The following RNF216 variants were observed in gnomAD, a reference collection of about 807,000 sequenced individuals.
RNF216 encodes E3 ubiquitin-protein ligase RNF216.
In RNF216, 72 loss-of-function variants were observed where a neutral mutation model predicts 110.8. The observed-to-expected ratio is 0.65, with a 90% CI of 0.54 to 0.79. The LOEUF is 0.79. Ranked by LOEUF, RNF216 falls within the 30% of genes least tolerant of loss-of-function variation. The pLI is 0.00. For synonymous variants in RNF216, 495 were observed against 407.5 expected, an observed-to-expected ratio of 1.21 and a Z score of -2.59; for missense variants, 1,342 against 1,141.2, an observed-to-expected ratio of 1.18 and a Z score of -2.54.
intron 13 of RNF216, among the ~76,000 whole-genome samples, chr7:5,678,460 T>G (rs1790443631): frequency 6.6e-6 from 1 of 152,156 alleles, no homozygotes; most frequent in Non-Finnish European, 1.5e-5. Flanking sequence ...GATTCAGAGA[T>G]TCATGCCACC....
At chr7:5,659,243 C>T (rs73338074) in intron 13 of RNF216, among the ~76,000 whole-genome samples, 15,258 of 152,078 alleles carry the variant, frequency 0.1, 1,867 homozygotes, top group African/African-American at 0.29. Context: ...TATGAGACAC[C>T]GGAGATACAG....
At chr7:5,778,955 G>C (rs1156427110) in intron 1 of RNF216, among the ~76,000 whole-genome samples, 1 of 152,182 alleles carries the variant, frequency 6.6e-6, no homozygotes, top group Non-Finnish European at 1.5e-5. Flanking sequence ...TGTTGGCCAG[G>C]CTGGTCTCGA....
chr7:5,628,575 T>G (rs1362514197), intron 15 of RNF216, among the ~76,000 whole-genome samples: 1 of 152,146 alleles, frequency 6.6e-6, no homozygotes, highest in East Asian at 1.9e-4. Flanking sequence ...CAGGCTGGGG[T>G]GCAGTGGCAC....
At chr7:5,702,856 C>T (rs942339981) in intron 13 of RNF216, among the ~76,000 whole-genome samples, 1 of 152,238 alleles carries the variant, frequency 6.6e-6, no homozygotes, top group African/African-American at 2.4e-5. Flanking sequence ...GGGAGGCTCA[C>T]AGGGATGGTG....
chr7:5,622,655 TCCA>T lies in RNF216; in HGVS notation c.*202_*204del. ...GTTCACATCGCAGCTCTCTCCGAAC[TCCA>T]CCATTTGGGACGTCTTTATTATGGA... On this transcript the variant is annotated 3_prime_UTR_variant, in exon 17 of 17. Coordinates refer to ENST00000389902, the MANE Select transcript of RNF216 (RefSeq NM_207111.4). 1.7e-6 allele frequency: 1 copy of T among 577,908 alleles called. No individual in the cohort carries two copies. The highest frequency in any genetic ancestry group is 3.1e-5 in the Admixed American group (1 of 31,920). The allele number at this position is 577,908 out of a possible 1,614,324, so 35.8% of individuals were successfully genotyped here. A position where few individuals can be genotyped will look rare whatever the true frequency, so the allele number is the denominator to read the frequency against.
rs150090462 is a variant in RNF216, at chr7:5,722,979, G to C, written c.1505-1807C>G. Reference sequence around the variant, plus strand: ...AAAACAACAGCAACAAAAAAAATCAGTTTTTGGTATTATGAGAATAGAAAA... The same window carrying C: ...AAAACAACAGCAACAAAAAAAATCACTTTTTGGTATTATGAGAATAGAAAA... On this transcript the variant is annotated intron_variant, in intron 8 of 16. Transcript: ENST00000389902. Among the ~76,000 whole-genome samples, 701 of 152,156 alleles carry C rather than the reference G, an allele frequency of 4.6e-3. 1 individual carries two copies. The highest frequency in any genetic ancestry group is 0.015 in the African/African-American group (621 of 41,506).
intron 13 of RNF216, among the ~76,000 whole-genome samples, chr7:5,690,378 A>G (rs1345900874): frequency 6.6e-6 from 1 of 151,956 alleles, no homozygotes; most frequent in Non-Finnish European, 1.5e-5. Context: ...CTGTTTCTCT[A>G]AAAGCATGGT....
chr7:5,638,164 C>T (rs1787511679), intron 15 of RNF216, among the ~76,000 whole-genome samples: 1 of 152,214 alleles, frequency 6.6e-6, no homozygotes, highest in African/African-American at 2.4e-5. Flanking sequence ...TCTGTGACCC[C>T]AGCAATCCAT....
intron 5 of RNF216, among the ~76,000 whole-genome samples, chr7:5,739,007 T>C (rs1027296615): frequency 6.6e-6 from 1 of 152,156 alleles, no homozygotes; most frequent in Non-Finnish European, 1.5e-5. Context: ...TCCCTGATAG[T>C]AGCCAAATCC....
chr7:5,655,792 C>T (rs1214905115), intron 13 of RNF216, among the ~76,000 whole-genome samples: 1 of 149,240 alleles, frequency 6.7e-6, no homozygotes, highest in East Asian at 1.9e-4. Flanking sequence ...ATTTTCTCCT[C>T]TCAGGCACAG....
At chr7:5,721,845 TAA>T (rs1470238535) in intron 8 of RNF216, among the ~76,000 whole-genome samples, 8 of 152,216 alleles carry the variant, frequency 5.3e-5, no homozygotes, top group Non-Finnish European at 8.8e-5. Flanking sequence ...AACATGAGAA[TAA>T]AAGAGAGCAG....
intron 13 of RNF216, among the ~76,000 whole-genome samples, chr7:5,667,446 C>T (rs1036657744): frequency 6.6e-6 from 1 of 152,158 alleles, no homozygotes; most frequent in Non-Finnish European, 1.5e-5. Context: ...GAAAACCAGC[C>T]CCATCTCTAG....
At chr7:5,749,642 G>A (rs1053792641) in intron 3 of RNF216, among the ~76,000 whole-genome samples, 1 of 152,096 alleles carries the variant, frequency 6.6e-6, no homozygotes, top group Admixed American at 6.6e-5. Context: ...CAGTTATTTT[G>A]TTCTGACACT....
chr7:5,630,024 T>G (rs932284166), intron 15 of RNF216, among the ~76,000 whole-genome samples: 3 of 151,962 alleles, frequency 2.0e-5, no homozygotes, highest in East Asian at 3.9e-4. Flanking sequence ...AGAGGACACT[T>G]GGAAAAAGGC....
At chr7:5,695,336 A>C (rs1791558129) in intron 13 of RNF216, among the ~76,000 whole-genome samples, 1 of 152,174 alleles carries the variant, frequency 6.6e-6, no homozygotes, top group Non-Finnish European at 1.5e-5. Flanking sequence ...CAGCAGCCAC[A>C]GAGACGAAAA....
At chr7:5,679,722 A>G (rs890075304) in intron 13 of RNF216, among the ~76,000 whole-genome samples, 1 of 152,148 alleles carries the variant, frequency 6.6e-6, no homozygotes, top group Non-Finnish European at 1.5e-5. Context: ...ATTAAACAAA[A>G]AAAGAAAGGC....
chr7:5,781,072 C>T (rs1797060717), intron 1 of RNF216, among the ~76,000 whole-genome samples: 1 of 152,200 alleles, frequency 6.6e-6, no homozygotes, highest in African/African-American at 2.4e-5. Flanking sequence ...GCGGAACACG[C>T]GCTCCAGATG....
rs561957137 is a variant in RNF216 at position 5,701,345 on chromosome 7, C to T, written c.2061+10416G>A. Among the ~76,000 whole-genome samples, 4 of 152,290 alleles carry T rather than the reference C, an allele frequency of 2.6e-5. No homozygotes were observed. In the East Asian group the frequency reaches 7.7e-4, roughly 29 times the overall value. ...CCTGATGGGATTTTCCACCTGCCCA[C>T]TTTAGGGGAACTCCATGCTCTTGTG... On this transcript the variant is annotated intron_variant, in intron 13 of 16. Transcript: ENST00000389902.
intron 11 of RNF216, among the ~76,000 whole-genome samples, chr7:5,713,612 C>T (rs920946711): frequency 6.6e-6 from 1 of 152,202 alleles, no homozygotes; most frequent in Non-Finnish European, 1.5e-5. Flanking sequence ...CTCCTATGCA[C>T]CTAGAGTCAA....
Sources: gnomAD v4.1 joint callset for allele counts (sites outside exome capture counted in the v4.1 genomes callset) on GRCh38, gnomAD v4.1.1 for gene constraint, MANE v1.5 for transcripts, NCBI Gene and HGNC (gene_info 2026-07-23, HGNC 2026-07-21) for gene names.